Variants in XYLT1 observed in about 807,000 individuals in gnomAD.
XYLT1 encodes beta-D-xylosyltransferase 1.
Under a neutral mutation model 91.3 loss-of-function variants are expected in XYLT1, and 36 were observed. The ratio of observed to expected loss-of-function variants is 0.39; its 90% CI spans 0.30 to 0.52. The LOEUF (loss-of-function observed/expected upper bound fraction) is 0.52. Among genes scored for constraint, XYLT1 ranks in the 20% least tolerant of loss-of-function variants. The pLI, the probability that XYLT1 is intolerant of heterozygous loss-of-function variation, is 0.68. For synonymous variants in XYLT1, 588 were observed against 532.0 expected, an observed-to-expected ratio of 1.11 and a Z score of -1.45; for missense variants, 1,242 against 1,284.5, an observed-to-expected ratio of 0.97 and a Z score of 0.51.
chr16:17,351,023 A>AT (rs555461025), intron 2 of XYLT1, among the ~76,000 whole-genome samples: 11 of 151,296 alleles, frequency 7.3e-5, no homozygotes, highest in East Asian at 3.9e-4. Context: ...AGAAAAAAAA[A>AT]TTTTTTTTTT....
rs7186229 is a variant in XYLT1, at chr16:17,464,578, T to A, written c.363+5856A>T. Reference sequence around the variant, plus strand: ...AGATAAATGTTGGCGGTAATGAATATCCCAATTACTTTAAGTTAATCATTA... The same window carrying A: ...AGATAAATGTTGGCGGTAATGAATAACCCAATTACTTTAAGTTAATCATTA... On this transcript the variant is annotated intron_variant, in intron 1 of 11. Transcript: ENST00000261381. 2.2e-4 allele frequency among the ~76,000 whole-genome samples: 33 copies of A among 151,516 alleles called. No individual in the cohort carries two copies. The East Asian group carries it at 3.5e-3, about 16-fold the overall frequency.
intron 3 of XYLT1, among the ~76,000 whole-genome samples, chr16:17,217,027 C>T (rs118062427): frequency 0.017 from 2,585 of 152,342 alleles, 37 homozygotes; most frequent in Non-Finnish European, 0.026. Flanking sequence ...GCACTTGGAA[C>T]ATACAGTAAA....
intron 3 of XYLT1, among the ~76,000 whole-genome samples, chr16:17,209,410 C>G (rs569816745): frequency 2.0e-4 from 30 of 152,292 alleles, no homozygotes; most frequent in Non-Finnish European, 2.4e-4. Flanking sequence ...GTCAATGGAC[C>G]CTTGAATGGC....
chr16:17,300,470 T>TTTTTTTTTTTTTTTTTTTTTTTC (rs2034378591), intron 2 of XYLT1, among the ~76,000 whole-genome samples: 1 of 140,040 alleles, frequency 7.1e-6, no homozygotes, highest in African/African-American at 2.7e-5. Flanking sequence ...TTTTTTTTTT[T>TTTTTTTTTTTTTTTTTTTTTTTC]TTTTGAGATG....
intron 3 of XYLT1, among the ~76,000 whole-genome samples, chr16:17,245,489 G>A (rs779404956): frequency 5.9e-5 from 9 of 152,094 alleles, no homozygotes; most frequent in Non-Finnish European, 1.2e-4. Flanking sequence ...TACTAATTTC[G>A]CCATTAAGAG....
intron 1 of XYLT1, among the ~76,000 whole-genome samples, chr16:17,427,182 G>A (rs1026598282): frequency 2.0e-5 from 3 of 152,230 alleles, no homozygotes; most frequent in Non-Finnish European, 4.4e-5. Context: ...TCGTGTCCAC[G>A]GAAGAGAAGG....
intron 5 of XYLT1, among the ~76,000 whole-genome samples, chr16:17,174,171 A>G (rs2031888684): frequency 6.6e-6 from 1 of 152,222 alleles, no homozygotes; most frequent in South Asian, 2.1e-4. Flanking sequence ...AGAAAGATAT[A>G]CATCTACAGA....
At chr16:17,443,790 C>T (rs991514936) in intron 1 of XYLT1, among the ~76,000 whole-genome samples, 1 of 152,210 alleles carries the variant, frequency 6.6e-6, no homozygotes, top group African/African-American at 2.4e-5. Flanking sequence ...GTTCCAGGAT[C>T]CAATCCAAAC....
At chr16:17,405,070 C>T (rs1053926207) in intron 1 of XYLT1, among the ~76,000 whole-genome samples, 1 of 150,716 alleles carries the variant, frequency 6.6e-6, no homozygotes, top group African/African-American at 2.4e-5. Context: ...ACGGCCTCGC[C>T]ACCCCGCGCC....
intron 2 of XYLT1, among the ~76,000 whole-genome samples, chr16:17,337,775 C>CTTTTTTTTTTTTTTTT: frequency 8.8e-6 from 1 of 114,216 alleles, no homozygotes; most frequent in Non-Finnish European, 1.7e-5. Flanking sequence ...CACATTTTTT[C>CTTTTTTTTTTTTTTTT]TTTTTCTTTT....
intron 5 of XYLT1, among the ~76,000 whole-genome samples, chr16:17,185,401 G>A (rs1382747647): frequency 6.6e-6 from 1 of 152,168 alleles, no homozygotes; most frequent in Non-Finnish European, 1.5e-5. Flanking sequence ...TTATTGGATG[G>A]TTTCGAACCC....
At chr16:17,330,526 C>A (rs1376660913) in intron 2 of XYLT1, among the ~76,000 whole-genome samples, 2 of 152,122 alleles carry the variant, frequency 1.3e-5, no homozygotes, top group South Asian at 2.1e-4. Flanking sequence ...GTGGCTCACA[C>A]CTGTAATCCT....
At chr16:17,122,541 C>T (rs1162273793) in intron 10 of XYLT1, among the ~76,000 whole-genome samples, 1 of 152,194 alleles carries the variant, frequency 6.6e-6, no homozygotes, top group Non-Finnish European at 1.5e-5. Flanking sequence ...TCTGGGTTGT[C>T]TGTTTACTCT....
chr16:17,410,814 G>A (rs1426851670), intron 1 of XYLT1, among the ~76,000 whole-genome samples: 1 of 151,986 alleles, frequency 6.6e-6, no homozygotes, highest in African/African-American at 2.4e-5. Flanking sequence ...GGCTAATTTT[G>A]TATTTTTAGT....
At chr16:17,346,095 GCCA>G in intron 2 of XYLT1, among the ~76,000 whole-genome samples, 1 of 152,312 alleles carries the variant, frequency 6.6e-6, no homozygotes, top group East Asian at 1.9e-4. Flanking sequence ...ACAGGCGTGA[GCCA>G]CCGAGCCCGG....
chr16:17,220,212 C>T (rs2032941727), intron 3 of XYLT1, among the ~76,000 whole-genome samples: 1 of 152,018 alleles, frequency 6.6e-6, no homozygotes, highest in Non-Finnish European at 1.5e-5. Context: ...CATGGGTGTA[C>T]CAATGTGTAA....
In XYLT1 at chr16:17,153,137, GATC is replaced by G. The variant is rs1175653633; in HGVS notation, c.1370+5689_1370+5691del. On this transcript the variant is annotated intron_variant, in intron 6 of 11. Transcript: ENST00000261381. ...TCACCACTACTACCACCACCATTGTGATCATCATCAACTTAATAGGCGCAACTA... is the reference window on the plus strand; with the variant it reads ...TCACCACTACTACCACCACCATTGTGATCATCAACTTAATAGGCGCAACTA... Among the ~76,000 whole-genome samples, 5 of 152,130 alleles carry G rather than the reference GATC, an allele frequency of 3.3e-5. No individual in the cohort carries two copies. The East Asian group carries it at 5.8e-4, about 18-fold the overall frequency.
At chr16:17,141,434 C>A in intron 6 of XYLT1, 65 bp from the exon 7 acceptor site, 1 of 1,486,556 alleles carries the variant, frequency 6.7e-7, no homozygotes, top group Non-Finnish European at 9.2e-7. Context: ...AGCCAGAGTC[C>A]AAATAAAACA....
intron 1 of XYLT1, among the ~76,000 whole-genome samples, chr16:17,453,886 G>A (rs893015558): frequency 1.3e-5 from 2 of 152,180 alleles, no homozygotes; most frequent in Non-Finnish European, 2.9e-5. Flanking sequence ...TTAAATGATG[G>A]CACCATTCCC....
Sources: gnomAD v4.1 joint callset for allele counts (sites outside exome capture counted in the v4.1 genomes callset) on GRCh38, gnomAD v4.1.1 for gene constraint, MANE v1.5 for transcripts, NCBI Gene and HGNC (gene_info 2026-07-23, HGNC 2026-07-21) for gene names.